Variants in POLA1 observed in about 807,000 individuals in gnomAD.
The protein encoded by POLA1 is DNA polymerase alpha 1, catalytic subunit.
POLA1 carries 15 observed loss-of-function variants against 124.0 expected under a neutral mutation model. The ratio of observed to expected loss-of-function variants is 0.12; its 90% confidence interval spans 0.08 to 0.19. The LOEUF (loss-of-function observed/expected upper bound fraction) is 0.19. Ranked by LOEUF, POLA1 falls within the 10% of genes least tolerant of loss-of-function variation. POLA1 has a pLI of 1.00. For missense variants in POLA1, 886 were observed against 1,103.4 expected (o/e 0.80, Z 2.79); for synonymous variants, 408 against 389.4 (o/e 1.05, Z -0.56).
In POLA1 at chrX:24,739,479, T is replaced by C. The variant is rs1331716532; in HGVS notation, c.2145T>C (p.Ser715=). 3 of 1,195,372 alleles carry C rather than the reference T, an allele frequency of 2.5e-6. No homozygotes were observed. The highest frequency in any genetic ancestry group is 3.6e-5 in the South Asian group (2 of 56,064). The part of the protein sequence containing the change: ...ELIRCKSYHL[S]ELVQQILKTE... ...TTCGTTGTAAAAGCTACCATCTGTC[T>C]GAACTTGTTCAGCAGATTCTAAAAA... Residue 715 remains serine, a synonymous_variant, in exon 20 of 37, where the codon TCT becomes TCC. Transcript: ENST00000379068.
In POLA1 at chrX:24,742,076, T is replaced by C. The variant is rs1429230377; in HGVS notation, c.2421T>C (p.Tyr807=). Residue 807 remains tyrosine, a synonymous_variant, in exon 22 of 37, where the codon TAT becomes TAC. Coordinates refer to ENST00000379068, the MANE Select transcript of POLA1 (RefSeq NM_001330360.2). The stretch of plus-strand genomic sequence containing the variant: ...TTCATGCATTTTACGAAAACAACTA[T>C]ATTGTGCCTGACAAGCAGATTTTCA... ...LLLHAFYENN[Y]IVPDKQIFRK... The C allele has an allele frequency of 8.3e-7, 1 of 1,206,260 alleles. No individual in the cohort carries two copies. The highest frequency in any genetic ancestry group is 1.1e-6 in the Non-Finnish European group (1 of 891,845).
At chrX:24,750,485 G>C (rs754539921) in intron 26 of POLA1, among the ~76,000 whole-genome samples, 3 of 112,344 alleles carry the variant, frequency 2.7e-5, no homozygotes, top group Non-Finnish European at 5.6e-5. Flanking sequence ...GGACAGTGCA[G>C]ATCTAGCTGG....
intron 25 of POLA1, 46 bp from the exon 26 acceptor site, chrX:24,748,824 C>T (rs1932164009): frequency 8.5e-7 from 1 of 1,182,459 alleles, no homozygotes; most frequent in Non-Finnish European, 1.1e-6. Context: ...AATGCTTAAC[C>T]ATCTGTAAAT....
At position 24,906,586 on chromosome X, in the gene POLA1, G is replaced by A. The variant is rs190022187; in HGVS notation, c.4164+18464G>A. ...CATTGGGTACAGTATACAATGCTTA[G>A]GTGGTGGGTGCATCAAAATCTCAGA... On this transcript the variant is annotated intron_variant, in intron 35 of 36. Coordinates refer to ENST00000379068, the MANE Select transcript of POLA1 (RefSeq NM_001330360.2). Among the ~76,000 whole-genome samples, 521 of 110,806 alleles carry A rather than the reference G, an allele frequency of 4.7e-3. 5 individuals carry two copies. Among genetic ancestry groups the A allele is most frequent in the Non-Finnish European group, 7.6e-3 (402 of 52,887 alleles).
At chrX:24,762,454 A>G (rs1348320453) in intron 26 of POLA1, among the ~76,000 whole-genome samples, 1 of 112,506 alleles carries the variant, frequency 8.9e-6, no homozygotes, top group Non-Finnish European at 1.9e-5. Flanking sequence ...TGAAAAGTCA[A>G]AATTTTCCTG....
chrX:24,991,187 T>C (rs1262112345), intron 36 of POLA1, among the ~76,000 whole-genome samples: 1 of 108,886 alleles, frequency 9.2e-6, no homozygotes, highest in African/African-American at 3.4e-5. Context: ...TTTTTCCTTC[T>C]CTACAACCTC....
At chrX:24,935,893 C>A (rs1363822430) in intron 36 of POLA1, among the ~76,000 whole-genome samples, 1 of 113,009 alleles carries the variant, frequency 8.8e-6, no homozygotes, top group Non-Finnish European at 1.9e-5. Flanking sequence ...ACTAAAGTTC[C>A]TTGACATTTG....
chrX:24,986,679 T>G (rs761766492), intron 36 of POLA1, among the ~76,000 whole-genome samples: 19 of 106,255 alleles, frequency 1.8e-4, no homozygotes, highest in Non-Finnish European at 3.5e-4. Context: ...CCCAGGAGTA[T>G]GATCATGCCA....
intron 26 of POLA1, among the ~76,000 whole-genome samples, chrX:24,778,334 G>T (rs2045184303): frequency 9.0e-6 from 1 of 111,098 alleles, no homozygotes; most frequent in Non-Finnish European, 1.9e-5. Context: ...AGGTTCAAGC[G>T]ATTCTTCTGC....
At position 24,700,501 on chromosome X, in the gene POLA1, A is replaced by G. The variant is rs1276491626; in HGVS notation, c.168+952A>G. On this transcript the variant is annotated intron_variant, in intron 2 of 36. Coordinates refer to ENST00000379068, the MANE Select transcript of POLA1 (RefSeq NM_001330360.2). Reference sequence around the variant, plus strand: ...GTTGCTAAAAGGATTTCAGTAAAACAGGAATAAAGCATTTTTTTTGTTTTT... The same window carrying G: ...GTTGCTAAAAGGATTTCAGTAAAACGGGAATAAAGCATTTTTTTTGTTTTT... Among the ~76,000 whole-genome samples the G allele has an allele frequency of 2.7e-5, 3 of 112,142 alleles. No individual in the cohort carries two copies. The South Asian group carries it at 1.1e-3, about 42-fold the overall frequency.
At chrX:24,762,243 A>G (rs953813318) in intron 26 of POLA1, among the ~76,000 whole-genome samples, 4 of 112,149 alleles carry the variant, frequency 3.6e-5, no homozygotes, top group Middle Eastern at 4.6e-3. Context: ...AGTGTCAGGC[A>G]TGCCACGTGG....
intron 1 of POLA1, 137 bp downstream of exon 1, chrX:24,694,141 C>T (rs1164640623): frequency 1.6e-6 from 1 of 626,690 alleles, no homozygotes; most frequent in Non-Finnish European, 2.4e-6. Flanking sequence ...GCCCTTCTGG[C>T]GTCGGACCGG....
chrX:24,833,163 G>A (rs1299213079), intron 32 of POLA1, among the ~76,000 whole-genome samples: 2 of 110,892 alleles, frequency 1.8e-5, no homozygotes, highest in African/African-American at 6.6e-5. Flanking sequence ...ACCATGTTTG[G>A]TTTTCCATTC....
intron 26 of POLA1, among the ~76,000 whole-genome samples, chrX:24,786,677 G>C (rs2045368342): frequency 1.0e-5 from 1 of 95,595 alleles, no homozygotes; most frequent in African/African-American, 3.9e-5. Flanking sequence ...ATCAGGCTTG[G>C]CTAATTTTTT....
At chrX:24,801,772 C>G (rs1341248924) in intron 26 of POLA1, among the ~76,000 whole-genome samples, 1 of 111,060 alleles carries the variant, frequency 9.0e-6, no homozygotes, top group African/African-American at 3.3e-5. Flanking sequence ...GTTGCTATCT[C>G]CATTTTACAG....
chrX:24,846,791 T>TA (rs1354257646), intron 34 of POLA1, among the ~76,000 whole-genome samples: 1 of 111,982 alleles, frequency 8.9e-6, no homozygotes, highest in East Asian at 2.8e-4. Context: ...GGCTAAGAAT[T>TA]ACACTTTCAT....
At chrX:24,908,254 TTTA>T (rs968040020) in intron 35 of POLA1, among the ~76,000 whole-genome samples, 1 of 110,974 alleles carries the variant, frequency 9.0e-6, no homozygotes, top group East Asian at 2.8e-4. Flanking sequence ...AATTTCTTTT[TTTA>T]TTATTATTTT....
chrX:24,774,878 A>T (rs1408829395), intron 26 of POLA1, among the ~76,000 whole-genome samples: 2 of 111,992 alleles, frequency 1.8e-5, no homozygotes, highest in Non-Finnish European at 3.8e-5. Flanking sequence ...GGTTTATGGG[A>T]GTTAGTGACA....
At chrX:24,712,171 C>T (rs1158690753) in intron 4 of POLA1, among the ~76,000 whole-genome samples, 1 of 110,609 alleles carries the variant, frequency 9.0e-6, no homozygotes, top group Non-Finnish European at 1.9e-5. Context: ...TTGCAACTTC[C>T]GCCTCCTGGT....
Sources: allele counts gnomAD v4.1 joint callset (sites outside exome capture counted in the v4.1 genomes callset), GRCh38; gene constraint gnomAD v4.1.1; transcripts MANE v1.5; gene names NCBI Gene and HGNC (gene_info 2026-07-23, HGNC 2026-07-21).